Variants in PDE1A observed in about 807,000 individuals in gnomAD.
PDE1A encodes dual specificity calcium/calmodulin-dependent 3',5'-cyclic nucleotide phosphodiesterase 1A.
Under a neutral mutation model 61.7 loss-of-function variants are expected in PDE1A, and 35 were observed. That is an observed-to-expected ratio of 0.57 (90% CI 0.43 to 0.75). PDE1A has a LOEUF of 0.75. Ranked by LOEUF, PDE1A falls within the 30% of genes least tolerant of loss-of-function variation. The pLI is 0.00. For missense variants in PDE1A, 597 were observed against 630.6 expected, an observed-to-expected ratio of 0.95 and a Z score of 0.57; for synonymous variants, 232 against 213.2, an observed-to-expected ratio of 1.09 and a Z score of -0.77.
the PDE1A span, among the ~76,000 whole-genome samples, chr2:182,644,263 C>CTCTGTGTGTGTG: frequency 8.1e-6 from 1 of 123,044 alleles, no homozygotes; most frequent in Non-Finnish European, 1.7e-5. Flanking sequence ...TCTTAAGACT[C>CTCTGTGTGTGTG]TGTGTGTGTG....
At chr2:182,686,027 C>G in the PDE1A span, among the ~76,000 whole-genome samples, 1 of 152,174 alleles carries the variant, frequency 6.6e-6, no homozygotes, top group East Asian at 1.9e-4. Context: ...ACAGGCTTAA[C>G]AGCCTGCTCT....
chr2:182,683,847 C>T, the PDE1A span, among the ~76,000 whole-genome samples: 7 of 151,782 alleles, frequency 4.6e-5, no homozygotes, highest in Non-Finnish European at 1.0e-4. Flanking sequence ...GGGCTGGGAG[C>T]GGGGGCTCAC....
chr2:182,299,308 T>C (rs540699167), intron 1 of PDE1A, among the ~76,000 whole-genome samples: 1 of 151,388 alleles, frequency 6.6e-6, no homozygotes, highest in Non-Finnish European at 1.5e-5. Flanking sequence ...TCCTTGAATA[T>C]AGAATCTGGA....
At chr2:182,624,978 T>A in the PDE1A span, among the ~76,000 whole-genome samples, 1 of 152,056 alleles carries the variant, frequency 6.6e-6, no homozygotes, top group South Asian at 2.1e-4. Flanking sequence ...GAAGCTCTAA[T>A]CCCCAGTGTA....
intron 2 of PDE1A, among the ~76,000 whole-genome samples, chr2:182,443,797 G>A (rs1684953769): frequency 6.7e-6 from 1 of 148,392 alleles, no homozygotes; most frequent in Admixed American, 6.9e-5. Flanking sequence ...TCTGCCTCCT[G>A]GGTTCAAGCT....
At chr2:182,597,743 C>T in the PDE1A span, among the ~76,000 whole-genome samples, 1 of 152,160 alleles carries the variant, frequency 6.6e-6, no homozygotes. Context: ...ATTGTCAAGT[C>T]CCCAGGGAAA....
At chr2:182,627,043 A>G in the PDE1A span, among the ~76,000 whole-genome samples, 2 of 208 alleles carry the variant, frequency 9.6e-3, 1 homozygote, top group Non-Finnish European at 0.026. Flanking sequence ...TATATATATT[A>G]TTTATATATA....
At chr2:182,540,455 G>A in the PDE1A span, among the ~76,000 whole-genome samples, 1 of 151,582 alleles carries the variant, frequency 6.6e-6, no homozygotes, top group Admixed American at 6.6e-5. Flanking sequence ...GTGCATGAAG[G>A]AGACAAGGGA....
At chr2:182,152,180 G>T (rs1468763033) in intron 13 of PDE1A, among the ~76,000 whole-genome samples, 2 of 152,026 alleles carry the variant, frequency 1.3e-5, no homozygotes, top group Non-Finnish European at 2.9e-5. Flanking sequence ...ATATCTCTAG[G>T]TTGCTTCAGC....
rs1281485098 is a variant in PDE1A, at chr2:182,185,748, A to G, written c.1516+144T>C. 2.1e-6 allele frequency: 3 copies of G among 1,455,784 alleles called. No homozygotes were observed. The East Asian group carries it at 7.4e-5, about 36-fold the overall frequency. 90.2% of individuals were successfully genotyped at this position (1,455,784 alleles called of 1,614,324 possible). ...AATAAATGAGCCAACTTTCTCATGA[A>G]TGATCAAAGAGTAGCCAAATTCCCA... is the stretch of plus-strand genomic sequence containing the variant. On this transcript the variant is annotated intron_variant, in intron 13 of 13. Transcript: ENST00000351439.
chr2:182,158,203 T>C (rs1691199962), intron 13 of PDE1A, among the ~76,000 whole-genome samples: 2 of 152,212 alleles, frequency 1.3e-5, no homozygotes, highest in South Asian at 4.1e-4. Flanking sequence ...TGTAAATTCA[T>C]GCTTTAAAAT....
intron 1 of PDE1A, among the ~76,000 whole-genome samples, chr2:182,294,256 C>T (rs558014699): frequency 2.5e-4 from 38 of 152,208 alleles, no homozygotes; most frequent in African/African-American, 7.9e-4. Context: ...CATAAGTAAA[C>T]GTGATAAATG....
chr2:182,708,640 C>A, the PDE1A span, among the ~76,000 whole-genome samples: 320 of 152,124 alleles, frequency 2.1e-3, 2 homozygotes, highest in African/African-American at 7.4e-3. Flanking sequence ...ATGGGGGAAA[C>A]CACCCCCATG....
At chr2:182,482,495 CACAA>C (rs1479866441) in intron 2 of PDE1A, among the ~76,000 whole-genome samples, 1 of 151,702 alleles carries the variant, frequency 6.6e-6, no homozygotes, top group Non-Finnish European at 1.5e-5. Flanking sequence ...GTAAAAGGAT[CACAA>C]ACAGTCTCCA....
the PDE1A span, among the ~76,000 whole-genome samples, chr2:182,563,774 C>A: frequency 6.6e-6 from 1 of 152,176 alleles, no homozygotes; most frequent in Non-Finnish European, 1.5e-5. Context: ...GGATAGTTAG[C>A]TCTTCTTGTT....
chr2:182,624,466 T>C, the PDE1A span, among the ~76,000 whole-genome samples: 1 of 152,192 alleles, frequency 6.6e-6, no homozygotes, highest in Non-Finnish European at 1.5e-5. Context: ...GGTAAGTCTT[T>C]ACACTGATAT....
At chr2:182,463,057 G>A (rs924088336) in intron 2 of PDE1A, among the ~76,000 whole-genome samples, 11 of 151,682 alleles carry the variant, frequency 7.3e-5, no homozygotes, top group Admixed American at 2.6e-4. Flanking sequence ...CCTGGCCAAC[G>A]GGGAGAAACC....
intron 1 of PDE1A, among the ~76,000 whole-genome samples, chr2:182,285,713 T>TAGTA (rs1435563463): frequency 6.6e-6 from 1 of 152,074 alleles, no homozygotes; most frequent in Non-Finnish European, 1.5e-5. Flanking sequence ...TGACCCACCA[T>TAGTA]AGTAAGAACA....
intron 2 of PDE1A, among the ~76,000 whole-genome samples, chr2:182,509,638 T>C (rs1689658178): frequency 6.6e-6 from 1 of 152,212 alleles, no homozygotes; most frequent in Non-Finnish European, 1.5e-5. Context: ...GAGATAATTG[T>C]ACTGAGCCAT....
Sources: allele counts gnomAD v4.1 joint callset (sites outside exome capture counted in the v4.1 genomes callset), GRCh38; gene constraint gnomAD v4.1.1; transcripts MANE v1.5; gene names NCBI Gene and HGNC (gene_info 2026-07-23, HGNC 2026-07-21).